Variants in EHBP1 observed in about 807,000 individuals in gnomAD.
EHBP1 encodes EH domain-binding protein 1.
EHBP1 carries 55 observed loss-of-function variants against 144.0 expected under a neutral mutation model. The observed-to-expected ratio is 0.38, with a 90% CI of 0.31 to 0.48. The LOEUF (loss-of-function observed/expected upper bound fraction) is 0.48, where lower values mean the gene tolerates loss of function less well. Among genes scored for constraint, EHBP1 ranks in the 20% least tolerant of loss-of-function variants. EHBP1 has a pLI of 0.98. For missense variants in EHBP1, 1,200 were observed against 1,364.2 expected (o/e 0.88, Z 1.90); for synonymous variants, 469 against 472.7 (o/e 0.99, Z 0.10).
chr2:62,847,964 A>C (rs2048409771), intron 7 of EHBP1, among the ~76,000 whole-genome samples: 1 of 152,170 alleles, frequency 6.6e-6, no homozygotes, highest in African/African-American at 2.4e-5. Context: ...ATCTACTAGA[A>C]TGGTTAAAAT....
chr2:62,926,513 G>T (rs1312063730), intron 10 of EHBP1, among the ~76,000 whole-genome samples: 2 of 151,962 alleles, frequency 1.3e-5, no homozygotes, highest in African/African-American at 4.8e-5. Flanking sequence ...TCAAATATGG[G>T]CAAATGACCT....
rs751468240 is a variant in EHBP1 at position 62,831,092 on chromosome 2, G to A, written c.568G>A (p.Glu190Lys). The A allele has an allele frequency of 1.9e-5, 30 of 1,609,834 alleles. No homozygotes were observed. The highest frequency in any genetic ancestry group is 5.1e-5 in the Admixed American group (3 of 58,988). ...TGACATTGGCAATTTAGATGACTTC[G>A]AAGAAGATAATGAAGATGATGATGA... ...QADIGNLDDFEEDNEDDDENR... is the reference protein window; with the variant it reads ...QADIGNLDDFKEDNEDDDENR... Residue 190 changes from glutamate to lysine, a missense_variant, in exon 7 of 23, where the codon GAA becomes AAA. Coordinates refer to ENST00000431489, the MANE Select transcript of EHBP1 (RefSeq NM_001142616.3).
At chr2:62,945,870 T>C (rs1322686422) in intron 12 of EHBP1, among the ~76,000 whole-genome samples, 2 of 152,338 alleles carry the variant, frequency 1.3e-5, no homozygotes, top group African/African-American at 4.8e-5. Context: ...AGATAATCTT[T>C]AAAAATCAGT....
chr2:62,909,982 T>C (rs2152973514), intron 10 of EHBP1, among the ~76,000 whole-genome samples: 1 of 152,256 alleles, frequency 6.6e-6, no homozygotes, highest in East Asian at 1.9e-4. Context: ...CTTGAACTCC[T>C]GATCTCAGGT....
chr2:62,751,462 G>A (rs138011519), intron 3 of EHBP1, among the ~76,000 whole-genome samples: 5 of 152,008 alleles, frequency 3.3e-5, no homozygotes, highest in African/African-American at 1.2e-4. Context: ...TGCTGTGTCT[G>A]TGCCAGGCTT....
chr2:62,991,330 T>C (rs1293577189), intron 16 of EHBP1, among the ~76,000 whole-genome samples: 2 of 151,958 alleles, frequency 1.3e-5, no homozygotes, highest in African/African-American at 2.4e-5. Context: ...AGTATTCATA[T>C]ACTATTTTTC....
chr2:62,675,458 C>T (rs1005905930), intron 1 of EHBP1, among the ~76,000 whole-genome samples: 1 of 152,122 alleles, frequency 6.6e-6, no homozygotes, highest in African/African-American at 2.4e-5. Context: ...AGGTGACAAC[C>T]TCCTGCTCCC....
At chr2:62,780,441 G>A (rs1207385682) in intron 5 of EHBP1, among the ~76,000 whole-genome samples, 1 of 152,024 alleles carries the variant, frequency 6.6e-6, no homozygotes, top group Non-Finnish European at 1.5e-5. Context: ...TACTTTGGTT[G>A]CATTTCAGAG....
intron 10 of EHBP1, among the ~76,000 whole-genome samples, chr2:62,878,991 C>G (rs1413134950): frequency 6.7e-6 from 1 of 149,778 alleles, no homozygotes; most frequent in African/African-American, 2.5e-5. Flanking sequence ...GCACTCCAGC[C>G]TGGGTGACAG....
At chr2:62,844,613 C>T (rs1358685286) in intron 7 of EHBP1, among the ~76,000 whole-genome samples, 1 of 152,060 alleles carries the variant, frequency 6.6e-6, no homozygotes, top group East Asian at 1.9e-4. Context: ...CTTTGGAATT[C>T]ATGTTGAATT....
chr2:63,017,524 C>A (rs1016398498), intron 19 of EHBP1, among the ~76,000 whole-genome samples: 23 of 152,166 alleles, frequency 1.5e-4, no homozygotes, highest in African/African-American at 5.6e-4. Flanking sequence ...TGCAACCAAA[C>A]ACTTGGAGTA....
intron 2 of EHBP1, among the ~76,000 whole-genome samples, chr2:62,718,801 T>C (rs75513926): frequency 0.02 from 3,029 of 152,260 alleles, 106 homozygotes; most frequent in African/African-American, 0.07. Context: ...TTCAGCTGTT[T>C]TGTGATTTTC....
At chr2:62,914,072 G>A (rs981626080) in intron 10 of EHBP1, among the ~76,000 whole-genome samples, 2 of 152,032 alleles carry the variant, frequency 1.3e-5, no homozygotes, top group Non-Finnish European at 2.9e-5. Flanking sequence ...TTTCAATCAG[G>A]CAGGTTGACT....
intron 1 of EHBP1, among the ~76,000 whole-genome samples, chr2:62,693,061 A>G (rs982695621): frequency 3.3e-5 from 5 of 151,936 alleles, no homozygotes; most frequent in African/African-American, 1.2e-4. Context: ...TATCTCCATG[A>G]GTTCAATTGT....
At chr2:62,779,154 G>A (rs2042251916) in intron 5 of EHBP1, among the ~76,000 whole-genome samples, 1 of 152,132 alleles carries the variant, frequency 6.6e-6, no homozygotes, top group African/African-American at 2.4e-5. Flanking sequence ...GGGTACGGCA[G>A]CATTTACCTT....
At chr2:62,966,138 G>C (rs1291345579) in intron 14 of EHBP1, among the ~76,000 whole-genome samples, 1 of 152,118 alleles carries the variant, frequency 6.6e-6, no homozygotes, top group Admixed American at 6.6e-5. Flanking sequence ...TCACTGTTTT[G>C]ATAATAGAAC....
chr2:62,969,868 A>G (rs2058418970), intron 14 of EHBP1, among the ~76,000 whole-genome samples: 1 of 152,184 alleles, frequency 6.6e-6, no homozygotes, highest in South Asian at 2.1e-4. Context: ...ACAAACCAGC[A>G]TAAGAAAAGT....
intron 1 of EHBP1, among the ~76,000 whole-genome samples, chr2:62,675,858 T>A (rs2033268963): frequency 6.6e-6 from 1 of 152,168 alleles, no homozygotes; most frequent in Admixed American, 6.5e-5. Context: ...CCTCAAGCGG[T>A]CCTCCCACTT....
intron 1 of EHBP1, among the ~76,000 whole-genome samples, chr2:62,692,182 C>T (rs537159599): frequency 1.3e-5 from 2 of 152,288 alleles, no homozygotes; most frequent in East Asian, 3.9e-4. Context: ...TTTCAAGGTT[C>T]ATCCATGTTA....
Sources: gnomAD v4.1 joint callset for allele counts (sites outside exome capture counted in the v4.1 genomes callset) on GRCh38, gnomAD v4.1.1 for gene constraint, MANE v1.5 for transcripts, NCBI Gene and HGNC (gene_info 2026-07-23, HGNC 2026-07-21) for gene names.